Variants in ZSCAN21 observed in about 807,000 individuals in gnomAD.
ZSCAN21 encodes the protein zinc finger and SCAN domain containing 21, also known as zinc finger and SCAN domain-containing protein 21.
Under a neutral mutation model 35.6 loss-of-function variants are expected in ZSCAN21, and 26 were observed. That is an observed-to-expected ratio of 0.73 (90% CI 0.54 to 1.01). The LOEUF (loss-of-function observed/expected upper bound fraction) is 1.01, where lower values mean the gene tolerates loss of function less well. ZSCAN21 is among the 50% of genes least tolerant of loss of function. ZSCAN21 has a pLI of 0.00. For missense variants in ZSCAN21, 593 were observed against 587.1 expected, an observed-to-expected ratio of 1.01 and a Z score of -0.10; for synonymous variants, 219 against 219.3, an observed-to-expected ratio of 1.00 and a Z score of 0.01.
At position 100,064,199 on chromosome 7, in the gene ZSCAN21, G is replaced by C; in HGVS notation, c.1004G>C (p.Cys335Ser). The C allele has an allele frequency of 6.2e-7, 1 of 1,614,056 alleles. No individual in the cohort carries two copies. The highest frequency in any genetic ancestry group is 1.1e-5 in the South Asian group (1 of 91,074). Residue 335 changes from cysteine to serine, a missense_variant, in exon 4 of 4, where the codon TGT becomes TCT. By Grantham distance (112) the Cys-to-Ser change is moderately radical. Transcript: ENST00000292450. ...CACTTGGTGGACCGGCCCTATGACTGTAAGTGTGGAAAAGCTTTTGGGCAG... is the reference window on the plus strand; with the variant it reads ...CACTTGGTGGACCGGCCCTATGACTCTAAGTGTGGAAAAGCTTTTGGGCAG... ...RTHLVDRPYD[C>S]KCGKAFGQSS...
chr7:100,057,298 C>T lies in ZSCAN21; in HGVS notation c.292C>T (p.Pro98Ser). The change falls in exon 2 of 4, where the codon CCC (proline) becomes TCC (serine). Residue 98 changes from proline to serine, a missense_variant. Pro to Ser is a moderately conservative substitution (Grantham distance 74). Coordinates refer to ENST00000292450, the MANE Select transcript of ZSCAN21 (RefSeq NM_145914.3). ...LVLEQFLTILPQELQAWVQEH... is the reference protein window; with the variant it reads ...LVLEQFLTILSQELQAWVQEH... ...GCTGGAGCAGTTCCTGACCATCCTG[C>T]CCCAGGAGCTCCAGGCCTGGGTGCA... The T allele has an allele frequency of 6.2e-7, 1 of 1,613,464 alleles. No homozygotes were observed. Among genetic ancestry groups the T allele is most frequent in the Non-Finnish European group, 8.5e-7 (1 of 1,179,778 alleles).
At chr7:100,063,372 C>G (rs1173559978) in intron 3 of ZSCAN21, among the ~76,000 whole-genome samples, 1 of 152,010 alleles carries the variant, frequency 6.6e-6, no homozygotes, top group African/African-American at 2.4e-5. Context: ...CTGAGGCAGG[C>G]GGATCACCTG....
chr7:100,057,800 A>G lies in ZSCAN21; in HGVS notation c.502A>G (p.Thr168Ala), dbSNP rs753003880. 2.5e-6 allele frequency: 4 copies of G among 1,614,098 alleles called. No homozygotes were observed. The South Asian group carries it at 4.4e-5, about 18-fold the overall frequency. ...PSSMQPQPLE[T>A]SHKYESWGPL... ...CAGCATGCAGCCACAGCCCTTGGAG[A>G]CCAGTCACAAATACGAGTCTTGGGG... Residue 168 changes from threonine (T) to alanine (A), a missense_variant, in exon 3 of 4, where the codon ACC becomes GCC. Physicochemically the swap from Thr to Ala is moderately conservative, Grantham distance 58. Coordinates refer to ENST00000292450, the MANE Select transcript of ZSCAN21 (RefSeq NM_145914.3).
Position 100,064,358 on chromosome 7 carries a change from A to G in ZSCAN21, c.1163A>G (p.Tyr388Cys), listed in dbSNP as rs1160280435. The change falls in exon 4 of 4, where the codon TAT becomes TGT. Residue 388 changes from tyrosine (Y) to cysteine (C), a missense_variant. Tyr to Cys is a radical substitution (Grantham distance 194). Coordinates refer to ENST00000292450, the MANE Select transcript of ZSCAN21 (RefSeq NM_145914.3). ...CGGATCCACACTGGGGAGAAGCCTTATCAGTGTAACGAATGTGGGAAGAGC... is the reference window on the plus strand; with the variant it reads ...CGGATCCACACTGGGGAGAAGCCTTGTCAGTGTAACGAATGTGGGAAGAGC... ...HYRIHTGEKPYQCNECGKSFS... is the reference protein window; with the variant it reads ...HYRIHTGEKPCQCNECGKSFS... 6.2e-7 allele frequency: 1 copy of G among 1,614,046 alleles called. No individual in the cohort carries two copies. Among genetic ancestry groups the G allele is most frequent in the African/African-American group, 1.3e-5 (1 of 74,932 alleles).
At chr7:100,056,065 A>G (rs1792064225) in intron 1 of ZSCAN21, among the ~76,000 whole-genome samples, 1 of 151,234 alleles carries the variant, frequency 6.6e-6, no homozygotes, top group South Asian at 2.1e-4. Flanking sequence ...TCAGCCTCCC[A>G]AGTAGCTGGG....
chr7:100,060,318 CTT>C (rs1208077304), intron 3 of ZSCAN21, among the ~76,000 whole-genome samples: 6 of 151,988 alleles, frequency 3.9e-5, no homozygotes, highest in Non-Finnish European at 8.8e-5. Context: ...CATCCCAGCA[CTT>C]TGGGAGGCCG....
chr7:100,057,712 A>C lies in ZSCAN21; in HGVS notation c.414A>C (p.Pro138=). 6.2e-7 allele frequency: 1 copy of C among 1,611,602 alleles called. No homozygotes were observed. The highest frequency in any genetic ancestry group is 1.1e-5 in the South Asian group (1 of 90,756). The change falls in exon 3 of 4, where the codon CCA becomes CCC. Residue 138 remains proline (P), a synonymous_variant. Coordinates refer to ENST00000292450, the MANE Select transcript of ZSCAN21 (RefSeq NM_145914.3). ...ATTGTCTCTAGGTCTCAACTCCTCC[A>C]AACGAACAGAAACCGGTGTGGGAGA... is the stretch of plus-strand genomic sequence containing the variant. ...DEPGHQVSTP[P]NEQKPVWEKI...
intron 1 of ZSCAN21, among the ~76,000 whole-genome samples, chr7:100,055,888 CG>C (rs1792057193): frequency 3.4e-5 from 5 of 148,998 alleles, no homozygotes; most frequent in African/African-American, 1.2e-4. Flanking sequence ...GTGATCCGCC[CG>C]CCTTGGCCTC....
chr7:100,059,826 C>T (rs1210211626), intron 3 of ZSCAN21, among the ~76,000 whole-genome samples: 1 of 152,200 alleles, frequency 6.6e-6, no homozygotes, highest in African/African-American at 2.4e-5. Context: ...TCTCCTGCCT[C>T]AGCCTCCCGA....
intron 1 of ZSCAN21, among the ~76,000 whole-genome samples, chr7:100,054,076 C>T (rs1302231272): frequency 6.6e-6 from 1 of 151,906 alleles, no homozygotes; most frequent in East Asian, 1.9e-4. Context: ...TTATTTTAGT[C>T]TTTGGTGCTC....
intron 1 of ZSCAN21, among the ~76,000 whole-genome samples, chr7:100,050,270 G>A (rs890209215): frequency 3.9e-5 from 6 of 152,160 alleles, no homozygotes; most frequent in Non-Finnish European, 8.8e-5. Flanking sequence ...CTCATTAGAA[G>A]TGTTGGGTAG....
chr7:100,063,567 C>T (rs867743939), intron 3 of ZSCAN21, among the ~76,000 whole-genome samples: 33 of 151,894 alleles, frequency 2.2e-4, no homozygotes, highest in African/African-American at 7.5e-4. Context: ...ACCTGCATTC[C>T]AGCCTGCTGA....
intron 1 of ZSCAN21, among the ~76,000 whole-genome samples, chr7:100,053,549 T>TG (rs1562843629): frequency 7.4e-4 from 23 of 31,008 alleles, no homozygotes; most frequent in East Asian, 3.2e-3. Context: ...ATACATAATT[T>TG]TTTTTTTTTT....
At chr7:100,054,406 C>T (rs1033077398) in intron 1 of ZSCAN21, among the ~76,000 whole-genome samples, 7 of 151,606 alleles carry the variant, frequency 4.6e-5, no homozygotes, top group South Asian at 2.1e-4. Flanking sequence ...CCTGTCACCA[C>T]GCCCGGCTAA....
intron 1 of ZSCAN21, among the ~76,000 whole-genome samples, chr7:100,053,549 T>C (rs56288929): frequency 6.4e-5 from 2 of 31,008 alleles, no homozygotes; most frequent in Non-Finnish European, 1.3e-4. Context: ...ATACATAATT[T>C]TTTTTTTTTT....
intron 3 of ZSCAN21, among the ~76,000 whole-genome samples, chr7:100,060,092 A>G (rs1792227844): frequency 6.6e-6 from 1 of 152,266 alleles, no homozygotes; most frequent in African/African-American, 2.4e-5. Flanking sequence ...AGTCATTGAA[A>G]TGAAGAATGC....
At chr7:100,062,281 C>CTTTTT (rs921079005) in intron 3 of ZSCAN21, among the ~76,000 whole-genome samples, 45 of 96,552 alleles carry the variant, frequency 4.7e-4, no homozygotes, top group African/African-American at 9.9e-4. Flanking sequence ...CTCAACTGTT[C>CTTTTT]TTTTTTTTTT....
Position 100,063,985 on chromosome 7 carries a change from G to A in ZSCAN21, c.790G>A (p.Glu264Lys). 1 of 1,614,172 alleles carries A rather than the reference G, an allele frequency of 6.2e-7. No homozygotes were observed. The highest frequency in any genetic ancestry group is 8.5e-7 in the Non-Finnish European group (1 of 1,180,022). Residue 264 changes from glutamate to lysine, a missense_variant, in exon 4 of 4, where the codon GAA becomes AAA. Transcript: ENST00000292450. Reference sequence around the variant, plus strand: ...AGAGGCAGGCTCCAAGAAAGGTAGAGAATCAGTTCCTACTAAACCTACCCC... The same window carrying A: ...AGAGGCAGGCTCCAAGAAAGGTAGAAAATCAGTTCCTACTAAACCTACCCC... ...LQEAGSKKGR[E>K]SVPTKPTPGE...
In ZSCAN21 at chr7:100,064,099, G is replaced by A. The variant is rs539561711; in HGVS notation, c.904G>A (p.Glu302Lys). Residue 302 changes from glutamate (E) to lysine (K), a missense_variant, in exon 4 of 4, where the codon GAG (glutamate) becomes AAG (lysine). Physicochemically the swap from Glu to Lys is moderately conservative, Grantham distance 56 (BLOSUM62 1). Coordinates refer to ENST00000292450, the MANE Select transcript of ZSCAN21 (RefSeq NM_145914.3). ...CAAACACAGGAGAACACACACTGGG[G>A]AGAAACCTTACGTGTGCACCAAGTG... ...LTKHRRTHTG[E>K]KPYVCTKCGK... 1.9e-6 allele frequency: 3 copies of A among 1,614,166 alleles called. No individual in the cohort carries two copies. Among genetic ancestry groups the A allele is most frequent in the African/African-American group, 2.7e-5 (2 of 75,048 alleles).
Sources: gnomAD v4.1 joint callset for allele counts (sites outside exome capture counted in the v4.1 genomes callset) on GRCh38, gnomAD v4.1.1 for gene constraint, MANE v1.5 for transcripts, NCBI Gene and HGNC (gene_info 2026-07-23, HGNC 2026-07-21) for gene names.